The following SH3GLB1 variants were observed in gnomAD, a reference collection of about 807,000 sequenced individuals.
The protein encoded by SH3GLB1 is SH3 domain containing GRB2 like, endophilin B1, also known as endophilin-B1.
A neutral mutation model predicts 42.0 loss-of-function variants in SH3GLB1; 17 were observed. That is an observed-to-expected ratio of 0.40 (90% CI 0.28 to 0.61). SH3GLB1 has a LOEUF of 0.61. Ranked by LOEUF, SH3GLB1 falls within the 20% of genes least tolerant of loss-of-function variation. The probability of loss-of-function intolerance (pLI) is 0.36; values close to 1 mark genes in which losing one functional copy is unlikely to be tolerated. For synonymous variants in SH3GLB1, 132 were observed against 146.6 expected (o/e 0.90, Z 0.72); for missense variants, 355 against 426.3 (o/e 0.83, Z 1.47).
chr1:86,721,721 T>A (rs559289326), intron 3 of SH3GLB1, among the ~76,000 whole-genome samples: 3 of 152,318 alleles, frequency 2.0e-5, no homozygotes, highest in African/African-American at 7.2e-5. Context: ...CAGGACAAAT[T>A]GTGACTTGAT....
intron 5 of SH3GLB1, among the ~76,000 whole-genome samples, chr1:86,726,635 T>A (rs889465986): frequency 2.6e-5 from 4 of 152,066 alleles, no homozygotes; most frequent in Non-Finnish European, 4.4e-5. Flanking sequence ...ACTATTTTTT[T>A]AGTCTAGACA....
At chr1:86,714,400 G>A (rs1255955809) in intron 1 of SH3GLB1, among the ~76,000 whole-genome samples, 1 of 152,174 alleles carries the variant, frequency 6.6e-6, no homozygotes, top group Admixed American at 6.5e-5. Flanking sequence ...CAATAGCTTT[G>A]TAACTGCTAT....
chr1:86,713,996 G>A (rs769154609), intron 1 of SH3GLB1, among the ~76,000 whole-genome samples: 27 of 152,190 alleles, frequency 1.8e-4, no homozygotes, highest in Admixed American at 1.4e-3. Context: ...ATAAGTATTT[G>A]TTGAAGGAAT....
intron 5 of SH3GLB1, among the ~76,000 whole-genome samples, chr1:86,734,033 A>C (rs1655653293): frequency 6.6e-6 from 1 of 152,178 alleles, no homozygotes; most frequent in Non-Finnish European, 1.5e-5. Flanking sequence ...ATTTGAAAGA[A>C]AGACATTTAA....
In SH3GLB1 at chr1:86,722,374, C is replaced by G. The variant is rs148155385; in HGVS notation, c.344-166C>G. 3.8e-3 allele frequency among the ~76,000 whole-genome samples: 584 copies of G among 152,206 alleles called. 4 individuals are homozygous for G. The highest frequency in any genetic ancestry group is 0.034 in the Middle Eastern group (10 of 294). On this transcript the variant is annotated intron_variant, in intron 3 of 8. Transcript: ENST00000370558. The stretch of plus-strand genomic sequence containing the variant: ...ATTTAGACACATACTCTTAAATTTA[C>G]TTTTAAAATAAAACTACCTTAATTA...
chr1:86,731,615 G>T (rs1655514562), intron 5 of SH3GLB1, among the ~76,000 whole-genome samples: 1 of 152,054 alleles, frequency 6.6e-6, no homozygotes, highest in Non-Finnish European at 1.5e-5. Context: ...GAAAATTTCT[G>T]ACTTGATTTT....
Position 86,743,332 on chromosome 1 carries a change from T to A in SH3GLB1, c.*97T>A. The A allele has an allele frequency of 1.4e-6, 1 of 694,000 alleles. No individual in the cohort carries two copies. The highest frequency in any genetic ancestry group is 2.2e-6 in the Non-Finnish European group (1 of 456,728). The allele number at this position is 694,000 out of a possible 1,614,324, so 43.0% of individuals were successfully genotyped here. A position where few individuals can be genotyped will look rare whatever the true frequency, so the allele number is the denominator to read the frequency against. On this transcript the variant is annotated 3_prime_UTR_variant, in exon 9 of 9. Transcript: ENST00000370558. ...TTAAGTATCTTCCATGTTAATGTGTTAAGAGACTGAAAATACCAGCCATCA... is the reference window on the plus strand; with the variant it reads ...TTAAGTATCTTCCATGTTAATGTGTAAAGAGACTGAAAATACCAGCCATCA...
chr1:86,726,817 C>G (rs2101958224), intron 5 of SH3GLB1, among the ~76,000 whole-genome samples: 1 of 151,942 alleles, frequency 6.6e-6, no homozygotes, highest in East Asian at 1.9e-4. Context: ...TTTTTTTCCC[C>G]CCTGTATTTC....
chr1:86,722,780 A>C (rs1457543676), intron 4 of SH3GLB1, 107 bp downstream of exon 4: 1 of 903,288 alleles, frequency 1.1e-6, no homozygotes, highest in Non-Finnish European at 1.6e-6. Flanking sequence ...TGGATTACAA[A>C]ATTAAATAAT....
chr1:86,736,290 C>T (rs758417773), intron 7 of SH3GLB1, among the ~76,000 whole-genome samples: 1 of 152,116 alleles, frequency 6.6e-6, no homozygotes, highest in African/African-American at 2.4e-5. Context: ...ATCAAAAAAT[C>T]GTTTCAAGGA....
chr1:86,725,282 A>G (rs1655135471), intron 5 of SH3GLB1, among the ~76,000 whole-genome samples: 1 of 152,076 alleles, frequency 6.6e-6, no homozygotes, highest in Non-Finnish European at 1.5e-5. Context: ...CATTCAAACC[A>G]ACAGTGGCAG....
intron 5 of SH3GLB1, among the ~76,000 whole-genome samples, chr1:86,727,269 A>T (rs2101959565): frequency 6.6e-6 from 1 of 152,130 alleles, no homozygotes; most frequent in South Asian, 2.1e-4. Context: ...GAAGAATGGT[A>T]AAGCAACATC....
intron 2 of SH3GLB1, 108 bp downstream of exon 2, chr1:86,715,973 G>A: frequency 8.4e-7 from 1 of 1,194,286 alleles, no homozygotes; most frequent in South Asian, 1.5e-5. Context: ...TTTTATTGTA[G>A]CTTCAAGGTC....
rs550481665 is a variant in SH3GLB1 at position 86,707,638 on chromosome 1, C to T, written c.72+2667C>T. On this transcript the variant is annotated intron_variant, in intron 1 of 8. Coordinates refer to ENST00000370558, the MANE Select transcript of SH3GLB1 (RefSeq NM_016009.5). Reference sequence around the variant, plus strand: ...TATCATATCTGAGATTTGGTTTTTACAGGGTATTTTTTTTTTTTTTTTTTT... The same window carrying T: ...TATCATATCTGAGATTTGGTTTTTATAGGGTATTTTTTTTTTTTTTTTTTT... Among the ~76,000 whole-genome samples the T allele has an allele frequency of 2.7e-5, 4 of 146,378 alleles. No individual in the cohort carries two copies. The South Asian group carries it at 8.7e-4, about 32-fold the overall frequency.
intron 5 of SH3GLB1, among the ~76,000 whole-genome samples, chr1:86,726,206 G>T (rs1448287758): frequency 2.0e-5 from 3 of 152,018 alleles, no homozygotes; most frequent in Non-Finnish European, 2.9e-5. Flanking sequence ...GATAATTGTG[G>T]AATAAAAATA....
intron 1 of SH3GLB1, among the ~76,000 whole-genome samples, chr1:86,705,800 T>C (rs1653828792): frequency 6.6e-6 from 1 of 152,246 alleles, no homozygotes; most frequent in Admixed American, 6.5e-5. Context: ...TGTGAACAGA[T>C]GTAAATTTCA....
intron 1 of SH3GLB1, among the ~76,000 whole-genome samples, chr1:86,706,427 T>C (rs1277181116): frequency 2.0e-5 from 3 of 152,212 alleles, no homozygotes; most frequent in East Asian, 3.8e-4. Context: ...TGGTGAGTAA[T>C]AAGCTAGCTG....
intron 5 of SH3GLB1, among the ~76,000 whole-genome samples, chr1:86,729,384 T>A (rs1040791073): frequency 5.9e-5 from 9 of 151,752 alleles, no homozygotes; most frequent in African/African-American, 1.5e-4. Context: ...TGTTTTTTTT[T>A]AAATGGTAAT....
intron 5 of SH3GLB1, chr1:86,730,070 A>T: frequency 1.3e-6 from 2 of 1,586,476 alleles, no homozygotes; most frequent in Non-Finnish European, 1.7e-6. Context: ...TTTTTCTCTA[A>T]TTTTTAATGC....
Sources: allele counts gnomAD v4.1 joint callset (sites outside exome capture counted in the v4.1 genomes callset), GRCh38; gene constraint gnomAD v4.1.1; transcripts MANE v1.5; gene names NCBI Gene and HGNC (gene_info 2026-07-23, HGNC 2026-07-21).